ENPP3: variants seen among roughly 807,000 people sequenced by gnomAD.
ENPP3 encodes the protein ectonucleotide pyrophosphatase/phosphodiesterase family member 3.
In ENPP3, 104 loss-of-function variants were observed where a neutral mutation model predicts 117.8. That is an observed-to-expected ratio of 0.88 (90% CI 0.75 to 1.04). The LOEUF is 1.04. Ranked by LOEUF, ENPP3 falls within the 50% of genes least tolerant of loss-of-function variation. ENPP3 has a pLI of 0.00. For synonymous variants in ENPP3, 380 were observed against 349.9 expected (o/e 1.09, Z -0.96); for missense variants, 1,026 against 1,051.9 (o/e 0.98, Z 0.34).
At chr6:131,666,768 A>AT (rs1778624612) in intron 6 of ENPP3, among the ~76,000 whole-genome samples, 1 of 152,086 alleles carries the variant, frequency 6.6e-6, no homozygotes, top group Non-Finnish European at 1.5e-5. Flanking sequence ...ATATTTCCCC[A>AT]TTTACTCATT....
chr6:131,667,126 G>A (rs142992266), intron 6 of ENPP3, among the ~76,000 whole-genome samples: 2 of 152,180 alleles, frequency 1.3e-5, no homozygotes, highest in African/African-American at 2.4e-5. Context: ...TGTTTTGGTC[G>A]TGGGGCTTTT....
chr6:131,728,765 T>C (rs1780211623), intron 20 of ENPP3, among the ~76,000 whole-genome samples: 1 of 152,174 alleles, frequency 6.6e-6, no homozygotes, highest in African/African-American at 2.4e-5. Context: ...TTTTGTAATT[T>C]TTGTTGTATC....
At chr6:131,656,519 G>A (rs1430318681) in intron 5 of ENPP3, among the ~76,000 whole-genome samples, 1 of 152,152 alleles carries the variant, frequency 6.6e-6, no homozygotes, top group African/African-American at 2.4e-5. Context: ...TGTAATCCCA[G>A]CACTTTGGGA....
intron 24 of ENPP3, among the ~76,000 whole-genome samples, chr6:131,742,509 G>T (rs560695109): frequency 2.1e-4 from 32 of 152,140 alleles, no homozygotes; most frequent in Non-Finnish European, 2.5e-4. Context: ...CTTCTCATTT[G>T]TCAGTGTGCA....
chr6:131,671,355 G>A lies in ENPP3; in HGVS notation c.642+28G>A, dbSNP rs899342590. The A allele has an allele frequency of 3.7e-6, 5 of 1,359,862 alleles. No individual in the cohort carries two copies. The African/African-American group carries it at 7.2e-5, about 20-fold the overall frequency. 84.2% of individuals were successfully genotyped at this position (1,359,862 alleles called of 1,614,324 possible). A position where few individuals can be genotyped will look rare whatever the true frequency, so the allele number is the denominator to read the frequency against. Reference sequence around the variant, plus strand: ...AAGTGCTTGACCCAGTGGTAAGACAGGCCAAAGACCAGAACTGACCACATA... The same window carrying A: ...AAGTGCTTGACCCAGTGGTAAGACAAGCCAAAGACCAGAACTGACCACATA... On this transcript the variant is annotated intron_variant, in intron 7 of 24. Coordinates refer to ENST00000357639, the MANE Select transcript of ENPP3 (RefSeq NM_005021.5).
chr6:131,692,279 T>C (rs928893281), intron 14 of ENPP3, among the ~76,000 whole-genome samples: 3 of 152,118 alleles, frequency 2.0e-5, no homozygotes, highest in Non-Finnish European at 4.4e-5. Flanking sequence ...CTCATTTTTC[T>C]TTTACATAAA....
chr6:131,679,030 T>TTCC (rs1562446908), intron 11 of ENPP3, among the ~76,000 whole-genome samples: 90 of 34,762 alleles, frequency 2.6e-3, no homozygotes, highest in East Asian at 4.5e-3. Context: ...TCCTTCCTTC[T>TTCC]TTCTTTCTTT....
chr6:131,686,260 A>T (rs78512146), intron 14 of ENPP3, among the ~76,000 whole-genome samples: 11,473 of 152,176 alleles, frequency 0.075, 912 homozygotes, highest in African/African-American at 0.2. Context: ...TATACCTCTT[A>T]CAGATCTTTT....
At chr6:131,699,235 C>CAAAAAAAAAAAAAAAAAAAAAAAAAA (rs4053087) in intron 15 of ENPP3, among the ~76,000 whole-genome samples, 1 of 107,964 alleles carries the variant, frequency 9.3e-6, no homozygotes, top group Admixed American at 9.9e-5. Context: ...AAGACTGTCT[C>CAAAAAAAAAAAAAAAAAAAAAAAAAA]AAAAAAAAAA....
rs1780092098 is a variant in ENPP3 at position 131,723,972 on chromosome 6, A to G, written c.1747-68A>G. On this transcript the variant is annotated intron_variant, in intron 18 of 24. Transcript: ENST00000357639. ...GATTACTACAGAAACAATCTTGATT[A>G]CCCCTTAAAACACATATTGTTGCTT... is the stretch of plus-strand genomic sequence containing the variant. 2.8e-6 allele frequency: 3 copies of G among 1,081,694 alleles called. No homozygotes were observed. In the East Asian group the frequency reaches 7.1e-5, roughly 26 times the overall value. 67.0% of individuals were successfully genotyped at this position (1,081,694 alleles called of 1,614,324 possible).
intron 11 of ENPP3, among the ~76,000 whole-genome samples, chr6:131,679,358 G>A (rs1411333810): frequency 6.6e-6 from 1 of 152,098 alleles, no homozygotes; most frequent in Middle Eastern, 3.4e-3. Flanking sequence ...GCCTCCCAAA[G>A]TGTTGGGATT....
At chr6:131,674,654 C>T (rs754661221) in intron 8 of ENPP3, among the ~76,000 whole-genome samples, 1 of 150,252 alleles carries the variant, frequency 6.7e-6, no homozygotes, top group Non-Finnish European at 1.5e-5. Context: ...CTTACTGTAA[C>T]CTCTGCTTCT....
intron 14 of ENPP3, among the ~76,000 whole-genome samples, chr6:131,693,157 A>G (rs1252117390): frequency 6.7e-6 from 1 of 148,942 alleles, no homozygotes; most frequent in Non-Finnish European, 1.5e-5. Flanking sequence ...AAAAACTGAA[A>G]ACATTAACTC....
At chr6:131,728,106 T>C (rs1373022826) in intron 20 of ENPP3, among the ~76,000 whole-genome samples, 1 of 152,234 alleles carries the variant, frequency 6.6e-6, no homozygotes, top group Non-Finnish European at 1.5e-5. Flanking sequence ...TGAGTTCATA[T>C]GGACGGTTGG....
chr6:131,652,701 C>T lies in ENPP3; in HGVS notation c.403+34C>T, dbSNP rs199884788. The T allele has an allele frequency of 1.9e-5, 31 of 1,613,060 alleles. 1 individual carries two copies. In the Middle Eastern group the frequency reaches 5.0e-4, roughly 26 times the overall value. ...GAGGATGTTGACTCATTTGCCCCTGCGAGTTTAGAGGAACTCCATGAGTTT... is the reference window on the plus strand; with the variant it reads ...GAGGATGTTGACTCATTTGCCCCTGTGAGTTTAGAGGAACTCCATGAGTTT... On this transcript the variant is annotated intron_variant, in intron 4 of 24. Transcript: ENST00000357639.
chr6:131,637,347 T>G lies in ENPP3; in HGVS notation c.-38T>G. On this transcript the variant is annotated 5_prime_UTR_variant, in exon 1 of 25. In the 5' UTR this introduces an upstream ATG that the reference lacks. Transcript: ENST00000357639. ...ACTAGACTAAAGAAGGAGCACTAAT[T>G]TATTCTGATAAAACAGGTCTATGCA... 1.4e-6 allele frequency: 2 copies of G among 1,389,510 alleles called. No homozygotes were observed. Among genetic ancestry groups the G allele is most frequent in the Non-Finnish European group, 2.0e-6 (2 of 1,011,630 alleles). 86.1% of individuals were successfully genotyped at this position (1,389,510 alleles called of 1,614,324 possible).
intron 2 of ENPP3, among the ~76,000 whole-genome samples, chr6:131,648,462 G>A (rs1027802815): frequency 1.3e-5 from 2 of 151,878 alleles, no homozygotes; most frequent in African/African-American, 4.8e-5. Flanking sequence ...CCATTACTAT[G>A]TGTTATTCAC....
chr6:131,746,654 T>G, intron 24 of ENPP3, 132 bp from the exon 25 acceptor site: 1 of 669,782 alleles, frequency 1.5e-6, no homozygotes, highest in Non-Finnish European at 2.5e-6. Flanking sequence ...AAACTAAATT[T>G]AGCTGTATCA....
At chr6:131,675,259 G>A (rs2114387927) in intron 9 of ENPP3, 70 bp downstream of exon 9, 1 of 1,043,396 alleles carries the variant, frequency 9.6e-7, no homozygotes, top group Non-Finnish European at 1.5e-6. Flanking sequence ...TCTTAATCTT[G>A]GTGGCAATTC....
Sources: gnomAD v4.1 joint callset for allele counts (sites outside exome capture counted in the v4.1 genomes callset) on GRCh38, gnomAD v4.1.1 for gene constraint, MANE v1.5 for transcripts, NCBI Gene and HGNC (gene_info 2026-07-23, HGNC 2026-07-21) for gene names.